The following CPLANE1 variants were observed in gnomAD, a reference collection of about 807,000 sequenced individuals.
The protein encoded by CPLANE1 is ciliogenesis and planar polarity effector 1.
CPLANE1 carries 263 observed loss-of-function variants against 362.5 expected under a neutral mutation model. The ratio of observed to expected loss-of-function variants is 0.73; its 90% confidence interval spans 0.66 to 0.80. The LOEUF (loss-of-function observed/expected upper bound fraction) is 0.80. CPLANE1 is among the 30% of genes least tolerant of loss of function. The probability of loss-of-function intolerance (pLI) is 0.00; values close to 1 mark genes in which losing one functional copy is unlikely to be tolerated. For synonymous variants in CPLANE1, 1,212 were observed against 1,302.6 expected, an observed-to-expected ratio of 0.93 and a Z score of 1.50; for missense variants, 3,461 against 3,793.4, an observed-to-expected ratio of 0.91 and a Z score of 2.30.
downstream of CPLANE1, among the ~76,000 whole-genome samples, chr5:37,105,162 T>C (rs1034883958): frequency 5.9e-5 from 9 of 151,978 alleles, no homozygotes; most frequent in African/African-American, 1.7e-4. Flanking sequence ...TAGCCAGGCA[T>C]GGTGGTGCGC....
intron 43 of CPLANE1, among the ~76,000 whole-genome samples, chr5:37,142,850 TG>T (rs1770203939): frequency 6.6e-6 from 1 of 152,174 alleles, no homozygotes; most frequent in African/African-American, 2.4e-5. Context: ...GCAATGATGC[TG>T]GGATAGTCTA....
At chr5:37,138,493 GTTGTAC>G in intron 46 of CPLANE1, 1 of 653,186 alleles carries the variant, frequency 1.5e-6, no homozygotes, top group Non-Finnish European at 2.9e-6. Context: ...TTAAATGTAT[GTTGTAC>G]TTAGAGTGAT....
chr5:37,238,939 T>C lies in CPLANE1; in HGVS notation c.856A>G (p.Asn286Asp). The part of the protein sequence containing the change: ...DPKATQVLFI[N>D]TLNFVTLCGS... ...CAGAGAGTAACAAAATTCAGTGTGT[T>C]TATAAATAATACCTGAGTTGCCTAG... Residue 286 changes from asparagine (N) to aspartate (D), a missense_variant, in exon 8 of 53, where the codon AAC becomes GAC. Transcript: ENST00000651892. 1 of 1,516,028 alleles carries C rather than the reference T, an allele frequency of 6.6e-7. No individual in the cohort carries two copies. Among genetic ancestry groups the C allele is most frequent in the Non-Finnish European group, 8.8e-7 (1 of 1,132,382 alleles). The allele number at this position is 1,516,028 out of a possible 1,614,324, so 93.9% of individuals were successfully genotyped here.
intron 21 of CPLANE1, among the ~76,000 whole-genome samples, chr5:37,188,394 A>G (rs1448128368): frequency 6.6e-6 from 1 of 152,200 alleles, no homozygotes; most frequent in Non-Finnish European, 1.5e-5. Context: ...CTCATGTTCT[A>G]TGGTTAATAG....
In CPLANE1 at chr5:37,162,540, C is replaced by G. The variant is rs759577755; in HGVS notation, c.7615G>C (p.Ala2539Pro). 6.2e-7 allele frequency: 1 copy of G among 1,611,570 alleles called. No homozygotes were observed. The highest frequency in any genetic ancestry group is 1.1e-5 in the South Asian group (1 of 91,000). The change falls in exon 38 of 53, where the codon GCT (alanine) becomes CCT (proline). Residue 2539 changes from alanine (A) to proline (P), a missense_variant. Around this residue, in one of 2 missense-constraint regions of CPLANE1, gnomAD observed 3,380 missense variants for 3,666.1 expected, o/e 0.92. Transcript: ENST00000651892. Reference sequence around the variant, plus strand: ...ACAGAGGCCATGAAATGCAATCCAGCTGAAGTATTATCATCTTGTAGCATT... The same window carrying G: ...ACAGAGGCCATGAAATGCAATCCAGGTGAAGTATTATCATCTTGTAGCATT... ...FEMLQDDNTS[A>P]GLHFMASVKK...
chr5:37,123,938 C>CACACACAG (rs1763424871), intron 47 of CPLANE1, among the ~76,000 whole-genome samples: 1 of 151,050 alleles, frequency 6.6e-6, no homozygotes, highest in African/African-American at 2.4e-5. Context: ...CATACACACA[C>CACACACAG]ACACACACAC....
intron 38 of CPLANE1, among the ~76,000 whole-genome samples, chr5:37,158,790 A>ATTT (rs11347966): frequency 7.2e-6 from 1 of 138,800 alleles, no homozygotes; most frequent in Non-Finnish European, 1.6e-5. Context: ...CATAATTCAC[A>ATTT]TTTTTTTTTT....
At position 37,199,515 on chromosome 5, in the gene CPLANE1, C is replaced by T. The variant is rs1788545193; in HGVS notation, c.3508-649G>A. ...TTCCATATCAATTTATACCTGTATCCCACTGTACTCAGAACTCCCAAGAGG... is the reference window on the plus strand; with the variant it reads ...TTCCATATCAATTTATACCTGTATCTCACTGTACTCAGAACTCCCAAGAGG... On this transcript the variant is annotated intron_variant, in intron 19 of 52. Coordinates refer to ENST00000651892, the MANE Select transcript of CPLANE1 (RefSeq NM_001384732.1). 2.0e-5 allele frequency among the ~76,000 whole-genome samples: 3 copies of T among 152,268 alleles called. No homozygotes were observed. The South Asian group carries it at 6.2e-4, about 32-fold the overall frequency.
At chr5:37,232,742 A>G (rs1237347971) in intron 8 of CPLANE1, among the ~76,000 whole-genome samples, 1 of 149,276 alleles carries the variant, frequency 6.7e-6, no homozygotes, top group Admixed American at 6.8e-5. Flanking sequence ...AAGTTGAGGC[A>G]GGCAGGGGGA....
chr5:37,090,603 T>G, the CPLANE1 span, among the ~76,000 whole-genome samples: 1 of 152,160 alleles, frequency 6.6e-6, no homozygotes, highest in African/African-American at 2.4e-5. Flanking sequence ...ACAAAAATAG[T>G]TCACTCCCCC....
intron 46 of CPLANE1, among the ~76,000 whole-genome samples, chr5:37,130,144 A>G (rs9687470): frequency 0.021 from 3,245 of 152,324 alleles, 127 homozygotes; most frequent in African/African-American, 0.075. Flanking sequence ...ATAACTCAGG[A>G]ATGGAAAACC....
chr5:37,183,297 T>C lies in CPLANE1; in HGVS notation c.4884A>G (p.Ser1628=). 1.2e-6 allele frequency: 2 copies of C among 1,613,478 alleles called. No individual in the cohort carries two copies. The highest frequency in any genetic ancestry group is 1.7e-6 in the Non-Finnish European group (2 of 1,179,850). The change falls in exon 26 of 53, where the codon TCA becomes TCG. Residue 1628 remains serine (S), a synonymous_variant. Transcript: ENST00000651892. ...CATCATTTAAAGAGGATGATTTTTC[T>C]GATTCATAGGACTCAGGAGCAACAA... The part of the protein sequence containing the change: ...CFVVAPESYE[S]EKSSSLNDEY...
intron 43 of CPLANE1, among the ~76,000 whole-genome samples, chr5:37,144,184 C>T (rs145069044): frequency 0.015 from 2,240 of 150,470 alleles, 23 homozygotes; most frequent in Non-Finnish European, 0.021. Context: ...CCAAGGTGGG[C>T]GGATCATGAG....
Position 37,170,098 on chromosome 5 carries a change from G to A in CPLANE1, c.6405C>T (p.Ser2135=). The change falls in exon 33 of 53, where the codon AGC becomes AGT. Residue 2135 remains serine (S), a synonymous_variant. Coordinates refer to ENST00000651892, the MANE Select transcript of CPLANE1 (RefSeq NM_001384732.1). ...GENAREPRKN[S]PHCHEGTIPS... Reference sequence around the variant, plus strand: ...GGATAGTTCCTTCATGGCAGTGTGGGCTGTTCTTGCGAGGCTCTCTGGCGT... The same window carrying A: ...GGATAGTTCCTTCATGGCAGTGTGGACTGTTCTTGCGAGGCTCTCTGGCGT... 1 of 1,614,100 alleles carries A rather than the reference G, an allele frequency of 6.2e-7. No individual in the cohort carries two copies. The highest frequency in any genetic ancestry group is 8.5e-7 in the Non-Finnish European group (1 of 1,180,022).
Position 37,209,747 on chromosome 5 carries a change from T to C in CPLANE1, c.2921-3322A>G, listed in dbSNP as rs941636833. On this transcript the variant is annotated intron_variant, in intron 16 of 52. Transcript: ENST00000651892. The surrounding 1 kb of genome is among the most constrained non-coding windows in gnomAD (Gnocchi z 4.6). ...CTTCCAGTCTGTACAAATCACTGGT[T>C]TCAGGAGCTGATAAAGAAAACCAAA... The C allele has an allele frequency of 2.7e-5, 33 of 1,215,360 alleles. 1 individual carries two copies. In the South Asian group the frequency reaches 4.0e-4, roughly 15 times the overall value. The allele number at this position is 1,215,360 out of a possible 1,614,324, so 75.3% of individuals were successfully genotyped here.
At chr5:37,201,457 C>G in intron 19 of CPLANE1, 134 bp downstream of exon 19, 1 of 676,828 alleles carries the variant, frequency 1.5e-6, no homozygotes. Flanking sequence ...AATTAGTGAA[C>G]AGCAAAGCTG....
chr5:37,164,183 T>C (rs1777629762), intron 37 of CPLANE1, 90 bp downstream of exon 37: 5 of 980,188 alleles, frequency 5.1e-6, no homozygotes, highest in South Asian at 1.4e-5. Flanking sequence ...GGCAGAAATG[T>C]AGGTAGCCTC....
In CPLANE1 at chr5:37,187,803, T is replaced by C; in HGVS notation, c.3851A>G (p.His1284Arg). 2 of 1,613,920 alleles carry C rather than the reference T, an allele frequency of 1.2e-6. No homozygotes were observed. The highest frequency in any genetic ancestry group is 8.5e-7 in the Non-Finnish European group (1 of 1,179,890). Residue 1284 changes from histidine (H) to arginine (R), a missense_variant, in exon 22 of 53, where the codon CAT becomes CGT. This residue lies in a region of CPLANE1 where 3,380 missense variants were observed against 3,666.1 expected (regional missense o/e 0.92). Coordinates refer to ENST00000651892, the MANE Select transcript of CPLANE1 (RefSeq NM_001384732.1). ...RELCALCWMLHVRDKLSYSCR... is the reference protein window; with the variant it reads ...RELCALCWMLRVRDKLSYSCR... Reference sequence around the variant, plus strand: ...ACTATAGGATAACTTATCACGGACATGCAGCATCCAACACAGAGCACAAAG... The same window carrying C: ...ACTATAGGATAACTTATCACGGACACGCAGCATCCAACACAGAGCACAAAG...
chr5:37,112,874 T>G (rs1235433757), intron 51 of CPLANE1, among the ~76,000 whole-genome samples: 1 of 152,160 alleles, frequency 6.6e-6, no homozygotes, highest in African/African-American at 2.4e-5. Flanking sequence ...CAAGGCCTCA[T>G]GTTAGATTAT....
Sources: allele counts gnomAD v4.1 joint callset (sites outside exome capture counted in the v4.1 genomes callset), GRCh38; gene constraint gnomAD v4.1.1; regional missense constraint gnomAD v4.1.1; non-coding constraint Gnocchi (gnomAD v3.1); transcripts MANE v1.5; gene names NCBI Gene and HGNC (gene_info 2026-07-23, HGNC 2026-07-21).